The following MGAM2 variants were observed in gnomAD, a reference collection of about 807,000 sequenced individuals.
The protein encoded by MGAM2 is probable maltase-glucoamylase 2.
A neutral mutation model predicts 96.1 loss-of-function variants in MGAM2; 98 were observed. That is an observed-to-expected ratio of 1.02 (90% CI 0.87 to 1.21). The LOEUF (loss-of-function observed/expected upper bound fraction) is 1.21. Ranked by LOEUF, MGAM2 falls within the 50% of genes most tolerant of loss-of-function variation. MGAM2 has a pLI of 0.00. For missense variants in MGAM2, 2,055 were observed against 1,182.4 expected (o/e 1.74, Z -10.82); for synonymous variants, 749 against 414.8 (o/e 1.81, Z -9.79).
At chr7:142,131,859 A>C (rs1204536259) in intron 5 of MGAM2, 72 bp from the exon 6 acceptor site, 4 of 633,886 alleles carry the variant, frequency 6.3e-6, no homozygotes, top group African/African-American at 5.5e-5. Flanking sequence ...TTGAGATGGA[A>C]CATCTTTTGT....
At chr7:142,183,814 C>A (rs1167358003) in intron 33 of MGAM2, among the ~76,000 whole-genome samples, 1 of 152,092 alleles carries the variant, frequency 6.6e-6, no homozygotes, top group African/African-American at 2.4e-5. Flanking sequence ...TGGCTTCAAT[C>A]TTCATCTTTA....
chr7:142,216,096 T>C (rs946201919), intron 46 of MGAM2, among the ~76,000 whole-genome samples: 1 of 152,188 alleles, frequency 6.6e-6, no homozygotes, highest in African/African-American at 2.4e-5. Context: ...CTTCAAATTA[T>C]TCTCATAGAC....
chr7:142,141,223 A>T (rs991384697), intron 12 of MGAM2, 104 bp downstream of exon 12: 26 of 622,702 alleles, frequency 4.2e-5, no homozygotes, highest in Non-Finnish European at 6.8e-5. Flanking sequence ...TACTGTTTTC[A>T]TGGCTTTAGA....
At chr7:142,173,124 T>A in intron 30 of MGAM2, 105 bp from the exon 31 acceptor site, 5 of 625,760 alleles carry the variant, frequency 8.0e-6, no homozygotes, top group African/African-American at 1.8e-5. Flanking sequence ...GGGTGAGGCC[T>A]CTTATACAGT....
intron 23 of MGAM2, among the ~76,000 whole-genome samples, chr7:142,163,658 A>G (rs991443284): frequency 6.6e-6 from 1 of 152,184 alleles, no homozygotes; most frequent in Non-Finnish European, 1.5e-5. Flanking sequence ...TAGTTTTATA[A>G]TAATCTTCCA....
At chr7:142,172,558 CAG>C in intron 29 of MGAM2, 92 bp from the exon 30 acceptor site, 2 of 591,448 alleles carry the variant, frequency 3.4e-6, no homozygotes, top group East Asian at 2.8e-5. Context: ...GTATCAAAGA[CAG>C]AGTATGAAGA....
In MGAM2 at chr7:142,136,621, G is replaced by T; in HGVS notation, c.828G>T (p.Leu276=). ...GGGGCTCCTCTTTTGGAGTATTTCT[G>T]ATGAACAGTAATGCCATGGGTAGGA... ...DARGSSFGVF[L]MNSNAMEVTL... is the part of the protein sequence containing the mutation. The change falls in exon 8 of 48, where the codon CTG becomes CTT. Residue 276 remains leucine (L), a synonymous_variant. Transcript: ENST00000477922. 1 of 701,856 alleles carries T rather than the reference G, an allele frequency of 1.4e-6. No homozygotes were observed. The highest frequency in any genetic ancestry group is 2.6e-6 in the Non-Finnish European group (1 of 384,146). The allele number at this position is 701,856 out of a possible 1,614,324, so 43.5% of individuals were successfully genotyped here.
intron 28 of MGAM2, among the ~76,000 whole-genome samples, chr7:142,171,672 G>T (rs947557969): frequency 1.7e-5 from 2 of 115,952 alleles, no homozygotes; most frequent in South Asian, 3.0e-4. Context: ...CTGACAGAGG[G>T]AAATATGTAT....
intron 1 of MGAM2, among the ~76,000 whole-genome samples, chr7:142,116,510 A>G (rs760816667): frequency 5.3e-5 from 8 of 152,192 alleles, no homozygotes; most frequent in Non-Finnish European, 1.0e-4. Flanking sequence ...CATTAGGTGG[A>G]TGTGAAGATC....
intron 32 of MGAM2, among the ~76,000 whole-genome samples, chr7:142,180,241 TC>T (rs1796497524): frequency 6.6e-6 from 1 of 152,182 alleles, no homozygotes; most frequent in East Asian, 1.9e-4. Flanking sequence ...TTTGTATCTT[TC>T]TTTTTTTCTC....
intron 45 of MGAM2, among the ~76,000 whole-genome samples, chr7:142,206,900 T>C (rs1797417498): frequency 6.6e-6 from 1 of 152,256 alleles, no homozygotes; most frequent in African/African-American, 2.4e-5. Context: ...TAAAAGAACA[T>C]GTTAACAGAA....
At chr7:142,192,727 T>A (rs1268094838) in intron 37 of MGAM2, among the ~76,000 whole-genome samples, 1 of 152,204 alleles carries the variant, frequency 6.6e-6, no homozygotes, top group Non-Finnish European at 1.5e-5. Flanking sequence ...TTCACACATC[T>A]GCATCCCATC....
At position 142,221,242 on chromosome 7, in the gene MGAM2, C is replaced by A; in HGVS notation, c.6731C>A (p.Thr2244Lys). Reference protein sequence around the residue: ...DASMTNFLLATMSAGNITSNS... With the variant: ...DASMTNFLLAKMSAGNITSNS... ...TCTATGACAAATTTTCTTTTAGCTA[C>A]AATGTCTGCTGGTAATATAACTAGT... is the stretch of plus-strand genomic sequence containing the variant. The change falls in exon 48 of 48, where the codon ACA (threonine) becomes AAA (lysine). Residue 2244 changes from threonine to lysine, a missense_variant. Thr to Lys is a moderately conservative substitution (Grantham distance 78). Coordinates refer to ENST00000477922, the MANE Select transcript of MGAM2 (RefSeq NM_001293626.2). 1.4e-6 allele frequency: 1 copy of A among 700,546 alleles called. No individual in the cohort carries two copies. The allele number at this position is 700,546 out of a possible 1,614,324, so 43.4% of individuals were successfully genotyped here.
At chr7:142,129,864 A>AAAAAAAAG (rs1794836855) in intron 3 of MGAM2, among the ~76,000 whole-genome samples, 1 of 125,504 alleles carries the variant, frequency 8.0e-6, no homozygotes, top group African/African-American at 3.3e-5. Flanking sequence ...AAAAAAAAAA[A>AAAAAAAAG]AGAAATTCAG....
At chr7:142,169,905 T>C (rs1796139666) in intron 26 of MGAM2, among the ~76,000 whole-genome samples, 170 bp from the exon 27 acceptor site, 1 of 152,122 alleles carries the variant, frequency 6.6e-6, no homozygotes, top group African/African-American at 2.4e-5. Context: ...TCAGCATCTG[T>C]ATGGGGCACA....
chr7:142,153,793 G>A (rs1414206187), intron 15 of MGAM2, among the ~76,000 whole-genome samples: 1 of 152,192 alleles, frequency 6.6e-6, no homozygotes, highest in African/African-American at 2.4e-5. Flanking sequence ...AAATTGCTAT[G>A]GGGGCTAGAA....
At chr7:142,201,120 G>A (rs1797216153) in intron 45 of MGAM2, among the ~76,000 whole-genome samples, 1 of 112,010 alleles carries the variant, frequency 8.9e-6, no homozygotes, top group South Asian at 3.0e-4. Context: ...TCTCATTCAG[G>A]CTGCAGTGGC....
Position 142,221,155 on chromosome 7 carries a change from C to T in MGAM2, c.6644C>T (p.Thr2215Ile). 1.4e-6 allele frequency: 1 copy of T among 702,514 alleles called. No individual in the cohort carries two copies. Among genetic ancestry groups the T allele is most frequent in the East Asian group, 2.7e-5 (1 of 37,234 alleles). 43.5% of individuals were successfully genotyped at this position (702,514 alleles called of 1,614,324 possible). A position where few individuals can be genotyped will look rare whatever the true frequency, so the allele number is the denominator to read the frequency against. The change falls in exon 48 of 48, where the codon ACT becomes ATT. Residue 2215 changes from threonine to isoleucine, a missense_variant. Transcript: ENST00000477922. ...FSESTNAMNTTVIMATTSPTS... is the reference protein window; with the variant it reads ...FSESTNAMNTIVIMATTSPTS... ...GAAAGTACTAATGCTATGAACACTACTGTTATTATGGCAACTACTTCTCCT... is the reference window on the plus strand; with the variant it reads ...GAAAGTACTAATGCTATGAACACTATTGTTATTATGGCAACTACTTCTCCT...
intron 3 of MGAM2, among the ~76,000 whole-genome samples, chr7:142,121,046 T>C (rs1039827729): frequency 1.3e-4 from 20 of 152,248 alleles, no homozygotes; most frequent in Admixed American, 2.6e-4. Context: ...CTTCTTGAGA[T>C]ATTAATTAGG....
Sources: gnomAD v4.1 joint callset for allele counts (sites outside exome capture counted in the v4.1 genomes callset) on GRCh38, gnomAD v4.1.1 for gene constraint, MANE v1.5 for transcripts, NCBI Gene and HGNC (gene_info 2026-07-23, HGNC 2026-07-21) for gene names.